The following PSAT1 variants were observed in gnomAD, a reference collection of about 807,000 sequenced individuals.
PSAT1 encodes phosphoserine aminotransferase.
Under a neutral mutation model 40.3 loss-of-function variants are expected in PSAT1, and 41 were observed. The observed-to-expected ratio is 1.02, with a 90% confidence interval of 0.79 to 1.32. PSAT1 has a LOEUF of 1.32. Ranked by LOEUF, PSAT1 falls within the 40% of genes most tolerant of loss-of-function variation. PSAT1 has a pLI of 0.00. For synonymous variants in PSAT1, 147 were observed against 170.5 expected, an observed-to-expected ratio of 0.86 and a Z score of 1.07; for missense variants, 406 against 455.8, an observed-to-expected ratio of 0.89 and a Z score of 0.99.
chr9:78,318,813 G>A (rs965648368), intron 7 of PSAT1, among the ~76,000 whole-genome samples: 4 of 152,112 alleles, frequency 2.6e-5, no homozygotes, highest in African/African-American at 7.2e-5. Flanking sequence ...TAGGACATGC[G>A]CATACCTTTT....
Position 78,311,829 on chromosome 9 carries a change from G to GAAAACA in PSAT1, c.740+3274_740+3279dup, listed in dbSNP as rs749911565. ...CCTGGGTGACAGAGTGAGACTGTCT[G>GAAAACA]AAAACAAAAACAAAAACAAAAACAA... On this transcript the variant is annotated intron_variant, in intron 6 of 8. Coordinates refer to ENST00000376588, the MANE Select transcript of PSAT1 (RefSeq NM_058179.4). Among the ~76,000 whole-genome samples the GAAAACA allele has an allele frequency of 5.8e-3, 879 of 151,350 alleles. 7 individuals carry two copies. The highest frequency in any genetic ancestry group is 0.019 in the African/African-American group (793 of 41,192).
At position 78,328,061 on chromosome 9, in the gene PSAT1, G is replaced by A; in HGVS notation, c.880G>A (p.Glu294Lys). Residue 294 changes from glutamate (E) to lysine (K), a missense_variant, in exon 8 of 9, where the codon GAG becomes AAG. Coordinates refer to ENST00000376588, the MANE Select transcript of PSAT1 (RefSeq NM_058179.4). ...NSQGFYVCPV[E>K]PQNRSKMNIP... is the part of the protein sequence containing the mutation. ...AAACATGTTTTTCAGTTGTCCAGTG[G>A]AGCCCCAAAATAGAAGCAAGATGAA... is the stretch of plus-strand genomic sequence containing the variant. 1 of 1,611,044 alleles carries A rather than the reference G, an allele frequency of 6.2e-7. No individual in the cohort carries two copies. Among genetic ancestry groups the A allele is most frequent in the Non-Finnish European group, 8.5e-7 (1 of 1,179,044 alleles).
chr9:78,324,952 G>T (rs1828475900), intron 7 of PSAT1, among the ~76,000 whole-genome samples: 1 of 152,106 alleles, frequency 6.6e-6, no homozygotes, highest in African/African-American at 2.4e-5. Flanking sequence ...TTTTGACCTA[G>T]AAAGCTTTTT....
chr9:78,317,936 C>G, intron 7 of PSAT1, 132 bp downstream of exon 7: 2 of 1,158,118 alleles, frequency 1.7e-6, no homozygotes, highest in Non-Finnish European at 2.5e-6. Context: ...GTGTGTGGTC[C>G]TGGGCCCCAT....
intron 8 of PSAT1, among the ~76,000 whole-genome samples, chr9:78,328,523 T>G (rs188166156): frequency 3.7e-4 from 54 of 145,062 alleles, no homozygotes; most frequent in African/African-American, 1.4e-3. Context: ...AGAATCATTA[T>G]TATTCCAACT....
In PSAT1 at chr9:78,329,296, A is replaced by AGCATTTTAAGAAATCTTGTT. The variant is rs1828547499; in HGVS notation, c.*213_*232dup. On this transcript the variant is annotated 3_prime_UTR_variant, in exon 9 of 9. Coordinates refer to ENST00000376588, the MANE Select transcript of PSAT1 (RefSeq NM_058179.4). Reference sequence around the variant, plus strand: ...CACCTTAATTCTGACTTGAACTGGAAGCATTTTAAGAAATCTTGTTGCTTT... The same window carrying AGCATTTTAAGAAATCTTGTT: ...CACCTTAATTCTGACTTGAACTGGAAGCATTTTAAGAAATCTTGTTGCATTTTAAGAAATCTTGTTGCTTT... 1 of 548,720 alleles carries AGCATTTTAAGAAATCTTGTT rather than the reference A, an allele frequency of 1.8e-6. No individual in the cohort carries two copies. The highest frequency in any genetic ancestry group is 3.2e-6 in the Non-Finnish European group (1 of 308,566). The allele number at this position is 548,720 out of a possible 1,614,324, so 34.0% of individuals were successfully genotyped here.
At chr9:78,313,223 G>A (rs539498719) in intron 6 of PSAT1, among the ~76,000 whole-genome samples, 45 of 152,158 alleles carry the variant, frequency 3.0e-4, no homozygotes, top group African/African-American at 1.0e-3. Flanking sequence ...AAAATTACCC[G>A]GGCGTAGTGG....
Position 78,317,626 on chromosome 9 carries a change from T to A in PSAT1, c.741-50T>A, listed in dbSNP as rs1440727740. 2.5e-6 allele frequency: 4 copies of A among 1,601,280 alleles called. No individual in the cohort carries two copies. In the African/African-American group the frequency reaches 4.0e-5, roughly 16 times the overall value. On this transcript the variant is annotated intron_variant, in intron 6 of 8. Transcript: ENST00000376588. Reference sequence around the variant, plus strand: ...ACAGCAGTTTGCTTGAATATAGTTCTACTTTTGCAAAGATGAGCTAAACGG... The same window carrying A: ...ACAGCAGTTTGCTTGAATATAGTTCAACTTTTGCAAAGATGAGCTAAACGG...
intron 1 of PSAT1, among the ~76,000 whole-genome samples, chr9:78,300,180 C>T (rs1587632120): frequency 6.6e-6 from 1 of 152,162 alleles, no homozygotes; most frequent in Non-Finnish European, 1.5e-5. Context: ...CCCCACGCTT[C>T]CCAGTCTAGC....
chr9:78,322,019 A>T (rs1828435871), intron 7 of PSAT1, among the ~76,000 whole-genome samples: 1 of 152,072 alleles, frequency 6.6e-6, no homozygotes, highest in African/African-American at 2.4e-5. Context: ...CACAGGAAGC[A>T]TTCCTTGCAT....
intron 4 of PSAT1, among the ~76,000 whole-genome samples, chr9:78,305,269 C>T (rs577493494): frequency 1.3e-5 from 2 of 152,286 alleles, no homozygotes; most frequent in East Asian, 3.9e-4. Context: ...TGCTGGCCAC[C>T]ACGCCTGGCT....
chr9:78,311,597 G>A (rs1253938119), intron 6 of PSAT1, among the ~76,000 whole-genome samples: 1 of 152,050 alleles, frequency 6.6e-6, no homozygotes, highest in Non-Finnish European at 1.5e-5. Context: ...ACTTTGGGAG[G>A]CCGAGGCGAG....
intron 6 of PSAT1, among the ~76,000 whole-genome samples, chr9:78,317,257 C>A (rs199714939): frequency 4.5e-4 from 65 of 143,540 alleles, no homozygotes; most frequent in South Asian, 6.7e-4. Context: ...TATTTTCTTT[C>A]TTTATTTTTT....
chr9:78,326,530 C>T (rs1828499386), intron 7 of PSAT1, among the ~76,000 whole-genome samples: 1 of 151,770 alleles, frequency 6.6e-6, no homozygotes, highest in Admixed American at 6.6e-5. Context: ...AATTTATTCC[C>T]ATAAATATGT....
At chr9:78,321,880 A>C (rs1029644072) in intron 7 of PSAT1, among the ~76,000 whole-genome samples, 3 of 152,188 alleles carry the variant, frequency 2.0e-5, no homozygotes, top group Admixed American at 2.0e-4. Flanking sequence ...TAAAATTGTC[A>C]AGAGAATTAA....
At chr9:78,304,699 GT>G (rs1828154911) in intron 3 of PSAT1, 35 bp from the exon 4 acceptor site, 2 of 1,565,762 alleles carry the variant, frequency 1.3e-6, no homozygotes, top group East Asian at 4.5e-5. Context: ...GACCACATGA[GT>G]TTATGTATTG....
intron 6 of PSAT1, among the ~76,000 whole-genome samples, chr9:78,313,895 C>T (rs1011358331): frequency 6.6e-6 from 1 of 152,200 alleles, no homozygotes; most frequent in African/African-American, 2.4e-5. Context: ...TGTCCTCCCA[C>T]ACTGGCCGTC....
In PSAT1 at chr9:78,308,816, G is replaced by A. The variant is rs184088361; in HGVS notation, c.740+233G>A. On this transcript the variant is annotated intron_variant, in intron 6 of 8. Transcript: ENST00000376588. ...ACCAAAAATACAAAATTATCCAGGCGTGGTGGCACATGCCTATAATCCCAG... is the reference window on the plus strand; with the variant it reads ...ACCAAAAATACAAAATTATCCAGGCATGGTGGCACATGCCTATAATCCCAG... Among the ~76,000 whole-genome samples, 48 of 152,250 alleles carry A rather than the reference G, an allele frequency of 3.2e-4. No individual in the cohort carries two copies. In the East Asian group the frequency reaches 8.5e-3, roughly 27 times the overall value.
At chr9:78,307,081 T>C (rs1828195205) in intron 5 of PSAT1, among the ~76,000 whole-genome samples, 1 of 152,232 alleles carries the variant, frequency 6.6e-6, no homozygotes, top group Non-Finnish European at 1.5e-5. Flanking sequence ...CATTTTTAAA[T>C]ATACTGGTCA....
Sources: allele counts gnomAD v4.1 joint callset (sites outside exome capture counted in the v4.1 genomes callset), GRCh38; gene constraint gnomAD v4.1.1; transcripts MANE v1.5; gene names NCBI Gene and HGNC (gene_info 2026-07-23, HGNC 2026-07-21).